Variants in ELAVL4 observed in about 807,000 individuals in gnomAD.
The protein encoded by ELAVL4 is ELAV like RNA binding protein 4.
In ELAVL4, 1 loss-of-function variant was observed where a neutral mutation model predicts 35.6. That is an observed-to-expected ratio of 0.03 (90% CI 0.01 to 0.13). ELAVL4 has a LOEUF of 0.13. ELAVL4 is among the 10% of genes least tolerant of loss of function. The probability of loss-of-function intolerance (pLI) is 1.00; values close to 1 mark genes in which losing one functional copy is unlikely to be tolerated. For missense variants in ELAVL4, 267 were observed against 464.9 expected, an observed-to-expected ratio of 0.57 and a Z score of 3.91; for synonymous variants, 156 against 171.0, an observed-to-expected ratio of 0.91 and a Z score of 0.69.
intron 3 of ELAVL4, among the ~76,000 whole-genome samples, chr1:50,187,378 C>T (rs1281723381): frequency 6.6e-6 from 1 of 152,190 alleles, no homozygotes; most frequent in Non-Finnish European, 1.5e-5. Context: ...GCCTAGAAGT[C>T]TTAAATGCAT....
chr1:50,102,177 C>G (rs1014350286), upstream of ELAVL4, among the ~76,000 whole-genome samples: 1 of 151,864 alleles, frequency 6.6e-6, no homozygotes, highest in Non-Finnish European at 1.5e-5. Context: ...GTCCCAGCTA[C>G]TCAGGAGGCT....
intron 1 of ELAVL4, among the ~76,000 whole-genome samples, chr1:50,088,930 C>T (rs944715192): frequency 2.6e-5 from 4 of 152,220 alleles, no homozygotes; most frequent in Non-Finnish European, 5.9e-5. Flanking sequence ...GTTGGTTTTA[C>T]CAGGCTTGGC....
chr1:50,055,600 T>G (rs1663619696), intron 1 of ELAVL4, among the ~76,000 whole-genome samples: 1 of 148,960 alleles, frequency 6.7e-6, no homozygotes, highest in Non-Finnish European at 1.5e-5. Context: ...TGCCCAACAA[T>G]CAATTTTAAA....
At chr1:50,109,987 C>A (rs1666783985) in intron 1 of ELAVL4, 2 of 1,611,248 alleles carry the variant, frequency 1.2e-6, no homozygotes, top group South Asian at 1.1e-5. Flanking sequence ...AGGAAGGCAG[C>A]CTGGAGGTCC....
chr1:50,107,660 A>G (rs1666447450), upstream of ELAVL4, among the ~76,000 whole-genome samples: 1 of 152,234 alleles, frequency 6.6e-6, no homozygotes, highest in Admixed American at 6.5e-5. Flanking sequence ...ATTAAAGATT[A>G]CATTGAATTT....
At chr1:50,131,087 A>C (rs952864830) in intron 1 of ELAVL4, among the ~76,000 whole-genome samples, 5 of 152,080 alleles carry the variant, frequency 3.3e-5, no homozygotes, top group African/African-American at 1.2e-4. Context: ...AGCTTACCCT[A>C]CTCAGAAAAG....
intron 3 of ELAVL4, among the ~76,000 whole-genome samples, chr1:50,192,616 T>C (rs985356059): frequency 6.6e-5 from 10 of 151,290 alleles, no homozygotes; most frequent in Non-Finnish European, 1.2e-4. Flanking sequence ...ATGGATTAAA[T>C]AGAACTTCCA....
At chr1:50,183,929 TC>T (rs937526327) in intron 3 of ELAVL4, among the ~76,000 whole-genome samples, 1 of 152,126 alleles carries the variant, frequency 6.6e-6, no homozygotes, top group African/African-American at 2.4e-5. Context: ...TCTCTCCTCC[TC>T]CATTACCGCT....
intron 1 of ELAVL4, among the ~76,000 whole-genome samples, chr1:50,123,408 T>C (rs1463298553): frequency 6.6e-6 from 1 of 152,018 alleles, no homozygotes; most frequent in Non-Finnish European, 1.5e-5. Context: ...AGTGGTGATA[T>C]ACTACACTAG....
At chr1:50,101,507 T>G (rs1665977056), upstream of ELAVL4, among the ~76,000 whole-genome samples, 1 of 152,220 alleles carries the variant, frequency 6.6e-6, no homozygotes, top group South Asian at 2.1e-4. Flanking sequence ...TTTTTTAAAT[T>G]TTTTAATCTT....
chr1:50,135,676 G>A (rs762608552), intron 1 of ELAVL4, among the ~76,000 whole-genome samples: 1 of 152,262 alleles, frequency 6.6e-6, no homozygotes, highest in East Asian at 1.9e-4. Flanking sequence ...ACTTCCCAGA[G>A]TAAATAGGTC....
At chr1:50,113,006 A>C (rs1286759163) in intron 1 of ELAVL4, among the ~76,000 whole-genome samples, 3 of 152,124 alleles carry the variant, frequency 2.0e-5, no homozygotes, top group African/African-American at 7.2e-5. Flanking sequence ...CTTAGTCTTG[A>C]AATTGGATTT....
In ELAVL4 at chr1:50,155,191, A is replaced by G. The variant is rs1456843190; in HGVS notation, c.250+9994A>G. Among the ~76,000 whole-genome samples, 5 of 108,188 alleles carry G rather than the reference A, an allele frequency of 4.6e-5. No homozygotes were observed. In the Admixed American group the frequency reaches 5.5e-4, roughly 12 times the overall value. 71.0% of individuals were successfully genotyped at this position (108,188 alleles called of 152,430 possible). A position where few individuals can be genotyped will look rare whatever the true frequency, so the allele number is the denominator to read the frequency against. On this transcript the variant is annotated intron_variant, in intron 2 of 6. Transcript: ENST00000371824. ...CTCCCCCCTCCCCCCACCCCACAACAGTCCCCAGAGTATGATGTTCCCCTT... is the reference window on the plus strand; with the variant it reads ...CTCCCCCCTCCCCCCACCCCACAACGGTCCCCAGAGTATGATGTTCCCCTT...
chr1:50,072,485 G>C (rs999768898), intron 1 of ELAVL4, among the ~76,000 whole-genome samples: 3 of 152,140 alleles, frequency 2.0e-5, no homozygotes, highest in Non-Finnish European at 4.4e-5. Flanking sequence ...CAGATACCAA[G>C]ACACATCAGA....
chr1:50,100,358 G>A (rs1251087765), upstream of ELAVL4, among the ~76,000 whole-genome samples: 1 of 152,178 alleles, frequency 6.6e-6, no homozygotes, highest in Non-Finnish European at 1.5e-5. Context: ...TAAAAATGGA[G>A]GAGGTTGGAA....
At position 50,135,181 on chromosome 1, in the gene ELAVL4, G is replaced by A. The variant is rs559384401; in HGVS notation, c.10-9776G>A. On this transcript the variant is annotated intron_variant, in intron 1 of 6. Coordinates refer to ENST00000371824, the MANE Select transcript of ELAVL4 (RefSeq NM_001144774.3). ...CCTGGTGTTCATCTCCAGAGCAGAA[G>A]TTGCTGTTTGAAAGAAGGGATGCCT... Among the ~76,000 whole-genome samples, 40 of 152,208 alleles carry A rather than the reference G, an allele frequency of 2.6e-4. 1 individual carries two copies. In the South Asian group the frequency reaches 7.7e-3, roughly 29 times the overall value.
chr1:50,170,225 C>CTT (rs1678745464), intron 2 of ELAVL4, among the ~76,000 whole-genome samples: 2 of 152,198 alleles, frequency 1.3e-5, no homozygotes, highest in Admixed American at 1.3e-4. Flanking sequence ...ATGGCAGCGA[C>CTT]TTTACATGCA....
chr1:50,184,155 C>G (rs1009316238), intron 3 of ELAVL4, among the ~76,000 whole-genome samples: 3 of 152,142 alleles, frequency 2.0e-5, no homozygotes, highest in African/African-American at 7.2e-5. Flanking sequence ...TGAATAATTT[C>G]AAATACAAGG....
intron 1 of ELAVL4, among the ~76,000 whole-genome samples, chr1:50,052,173 C>T (rs1412435734): frequency 1.3e-5 from 2 of 152,104 alleles, no homozygotes; most frequent in East Asian, 3.9e-4. Context: ...TAGTAAAAAG[C>T]TGTATTGATT....
Sources: allele counts gnomAD v4.1 joint callset (sites outside exome capture counted in the v4.1 genomes callset), GRCh38; gene constraint gnomAD v4.1.1; transcripts MANE v1.5; gene names NCBI Gene and HGNC (gene_info 2026-07-23, HGNC 2026-07-21).